The following SLC5A11 variants were observed in gnomAD, a reference collection of about 807,000 sequenced individuals.
The protein encoded by SLC5A11 is sodium/myo-inositol cotransporter 2.
In SLC5A11, 48 loss-of-function variants were observed where a neutral mutation model predicts 69.8. The observed-to-expected ratio is 0.69, with a 90% CI of 0.55 to 0.87. The LOEUF (loss-of-function observed/expected upper bound fraction) is 0.87. SLC5A11 is among the 40% of genes least tolerant of loss of function. The pLI, the probability that SLC5A11 is intolerant of heterozygous loss-of-function variation, is 0.00. For missense variants in SLC5A11, 784 were observed against 866.1 expected (o/e 0.91, Z 1.19); for synonymous variants, 319 against 342.4 (o/e 0.93, Z 0.75).
chr16:24,906,768 A>G lies in SLC5A11; in HGVS notation c.1114+4A>G, dbSNP rs752568054. On this transcript the variant is annotated splice_donor_region_variant and intron_variant, in intron 11 of 15. Coordinates refer to ENST00000347898, the Ensembl canonical transcript of SLC5A11. ...GTGCTGGAACTCCTGCCCACAGGTA[A>G]TGTCCCTTCACTCCTGAATCAAGTC... The G allele has an allele frequency of 6.2e-7, 1 of 1,608,202 alleles. No homozygotes were observed. The highest frequency in any genetic ancestry group is 8.5e-7 in the Non-Finnish European group (1 of 1,176,034).
chr16:24,893,715 C>T (rs924487945), intron 9 of SLC5A11, among the ~76,000 whole-genome samples: 1 of 151,990 alleles, frequency 6.6e-6, no homozygotes, highest in African/African-American at 2.4e-5. Context: ...GGACTATAGG[C>T]GTGCACCACT....
chr16:24,860,347 T>C (rs1257688170), intron 2 of SLC5A11, among the ~76,000 whole-genome samples: 1 of 152,106 alleles, frequency 6.6e-6, no homozygotes, highest in African/African-American at 2.4e-5. Context: ...TCCCAGCTAC[T>C]CAGGAGGCTA....
chr16:24,851,273 G>A (rs2059292793), intron 1 of SLC5A11, among the ~76,000 whole-genome samples: 1 of 151,538 alleles, frequency 6.6e-6, no homozygotes, highest in South Asian at 2.1e-4. Flanking sequence ...AGCACTTTGG[G>A]AGGCCAAGGC....
chr16:24,885,947 T>C (rs112054903), intron 8 of SLC5A11, among the ~76,000 whole-genome samples: 2 of 151,460 alleles, frequency 1.3e-5, no homozygotes, highest in Admixed American at 6.6e-5. Context: ...TCTAAAAAAA[T>C]TAGCAGAATT....
chr16:24,846,507 C>G (rs1171152060), intron 1 of SLC5A11, 69 bp downstream of exon 2: 2 of 152,808 alleles, frequency 1.3e-5, no homozygotes, highest in African/African-American at 4.8e-5. Context: ...GGGACAGGTG[C>G]TGGCAGAAGG....
At chr16:24,890,840 C>T (rs1267052345) in intron 8 of SLC5A11, 29 bp from the exon 10 acceptor site, 3 of 1,611,572 alleles carry the variant, frequency 1.9e-6, no homozygotes, top group South Asian at 1.1e-5. Context: ...ATCTGAGTTC[C>T]CGGAAAATAG....
intron 8 of SLC5A11, among the ~76,000 whole-genome samples, chr16:24,885,498 C>T (rs2048333496): frequency 6.6e-6 from 1 of 151,682 alleles, no homozygotes; most frequent in South Asian, 2.1e-4. Context: ...TAAACATAAA[C>T]TTACCCAGGT....
intron 8 of SLC5A11, among the ~76,000 whole-genome samples, chr16:24,886,280 G>T (rs780462234): frequency 2.0e-5 from 3 of 151,974 alleles, no homozygotes; most frequent in Non-Finnish European, 4.4e-5. Flanking sequence ...TCTTCTGCCC[G>T]CCTTGGCCTC....
exon 2 of SLC5A11, chr16:24,858,725 G>A (rs376121690): frequency 1.9e-6 from 3 of 1,612,010 alleles, no homozygotes; most frequent in Non-Finnish European, 2.5e-6. Context: ...GGAGCCTGGG[G>A]ACATCGCGGT....
intron 3 of SLC5A11, among the ~76,000 whole-genome samples, chr16:24,865,877 A>G (rs2046887819): frequency 6.6e-6 from 1 of 151,972 alleles, no homozygotes. Flanking sequence ...TATAACATAC[A>G]GTATAAATTG....
intron 1 of SLC5A11, among the ~76,000 whole-genome samples, chr16:24,848,104 G>A (rs879269020): frequency 9.2e-5 from 14 of 152,214 alleles, no homozygotes; most frequent in Non-Finnish European, 1.9e-4. Flanking sequence ...CCAGCAAAGA[G>A]TGCAGGGAAG....
At chr16:24,857,494 A>C (rs750673933) in intron 1 of SLC5A11, among the ~76,000 whole-genome samples, 3 of 152,216 alleles carry the variant, frequency 2.0e-5, no homozygotes, top group Admixed American at 6.5e-5. Flanking sequence ...GCTAAAATCA[A>C]GGTGTCAGCA....
At chr16:24,855,637 C>T (rs2059496753) in intron 1 of SLC5A11, among the ~76,000 whole-genome samples, 1 of 151,696 alleles carries the variant, frequency 6.6e-6, no homozygotes, top group African/African-American at 2.4e-5. Context: ...TGCCACTGCA[C>T]TCCAGTCTGG....
chr16:24,858,664 CCCTCAG>C, exon 2 of SLC5A11: 11 of 1,610,474 alleles, frequency 6.8e-6, no homozygotes, highest in Non-Finnish European at 9.3e-6. Context: ...GCACCAGCAG[CCCTCAG>C]CCTCCACAGT....
chr16:24,905,707 C>G (rs2050012364), intron 10 of SLC5A11, among the ~76,000 whole-genome samples: 1 of 151,392 alleles, frequency 6.6e-6, no homozygotes, highest in African/African-American at 2.4e-5. Flanking sequence ...GCAGTATTTA[C>G]AGAGCCAATC....
At position 24,884,081 on chromosome 16, in the gene SLC5A11, C is replaced by A. The variant is rs745731541; in HGVS notation, c.614C>A (p.Ala205Asp). The change falls in exon 8 of 16, where the codon GCC becomes GAC. Residue 205 changes from alanine (A) to aspartate (D), a missense_variant. Ala to Asp is a moderately radical substitution (Grantham distance 126, BLOSUM62 -2). Coordinates refer to ENST00000347898, the Ensembl canonical transcript of SLC5A11. The stretch of plus-strand genomic sequence containing the variant: ...CTGGCTGCTGTGATCTACACGGATG[C>A]CCTGCAGACGCTGATCATGCTTATA... 29 of 1,613,952 alleles carry A rather than the reference C, an allele frequency of 1.8e-5. 1 individual carries two copies. The African/African-American group carries it at 3.2e-4, about 18-fold the overall frequency.
chr16:24,898,788 G>A (rs987401168), intron 10 of SLC5A11, among the ~76,000 whole-genome samples: 2 of 152,162 alleles, frequency 1.3e-5, no homozygotes, highest in South Asian at 2.1e-4. Flanking sequence ...AAAGTGCTGG[G>A]ATTACAGGCG....
At chr16:24,875,572 G>GT (rs71156450) in intron 5 of SLC5A11, 55 bp from the exon 7 acceptor site, 4 of 1,433,416 alleles carry the variant, frequency 2.8e-6, no homozygotes, top group African/African-American at 1.4e-5. Context: ...GTGTGGGGGG[G>GT]TCACGTGCTG....
intron 2 of SLC5A11, chr16:24,862,199 C>T (rs955772856): frequency 3.2e-5 from 5 of 156,676 alleles, no homozygotes; most frequent in African/African-American, 9.6e-5. Context: ...ACGACACAAA[C>T]CTCATAGGGG....
Sources: allele counts gnomAD v4.1 joint callset (sites outside exome capture counted in the v4.1 genomes callset), GRCh38; gene constraint gnomAD v4.1.1; transcripts MANE v1.5; gene names NCBI Gene and HGNC (gene_info 2026-07-23, HGNC 2026-07-21).